ANKS1B: variants seen among roughly 807,000 people sequenced by gnomAD.
ANKS1B encodes ankyrin repeat and sterile alpha motif domain-containing protein 1B.
A neutral mutation model predicts 148.3 loss-of-function variants in ANKS1B; 36 were observed. That is an observed-to-expected ratio of 0.24 (90% CI 0.19 to 0.32). The LOEUF is 0.32. Among genes scored for constraint, ANKS1B ranks in the 10% least tolerant of loss-of-function variants. The probability of loss-of-function intolerance (pLI) is 1.00; values close to 1 mark genes in which losing one functional copy is unlikely to be tolerated. For missense variants in ANKS1B, 1,157 were observed against 1,542.6 expected (o/e 0.75, Z 4.19); for synonymous variants, 542 against 560.8 (o/e 0.97, Z 0.47).
chr12:99,028,900 C>T (rs1465638599), intron 17 of ANKS1B, among the ~76,000 whole-genome samples: 1 of 152,076 alleles, frequency 6.6e-6, no homozygotes, highest in Non-Finnish European at 1.5e-5. Flanking sequence ...CAGGTACAGC[C>T]AGGGGATTTT....
chr12:99,612,674 T>C (rs1481524157), intron 9 of ANKS1B, among the ~76,000 whole-genome samples: 1 of 152,154 alleles, frequency 6.6e-6, no homozygotes, highest in Non-Finnish European at 1.5e-5. Flanking sequence ...AAAATGTTTT[T>C]CTCTTTCATT....
At chr12:99,831,516 G>C (rs986068162) in intron 1 of ANKS1B, among the ~76,000 whole-genome samples, 1 of 152,192 alleles carries the variant, frequency 6.6e-6, no homozygotes, top group East Asian at 1.9e-4. Context: ...CACAGAGTGA[G>C]GGTAGTAAAA....
chr12:99,327,960 C>G (rs946212453), intron 12 of ANKS1B, among the ~76,000 whole-genome samples: 1 of 151,726 alleles, frequency 6.6e-6, no homozygotes, highest in African/African-American at 2.4e-5. Context: ...GGTGAGGCTC[C>G]TCCTGATACT....
chr12:99,206,817 C>G (rs2082724018), intron 14 of ANKS1B, among the ~76,000 whole-genome samples: 1 of 152,114 alleles, frequency 6.6e-6, no homozygotes, highest in Non-Finnish European at 1.5e-5. Flanking sequence ...CTGAAGTACA[C>G]CCTTCTGGCA....
intron 1 of ANKS1B, among the ~76,000 whole-genome samples, chr12:99,970,753 C>G (rs941045612): frequency 6.6e-6 from 1 of 152,132 alleles, no homozygotes; most frequent in Non-Finnish European, 1.5e-5. Context: ...TGGAAAATTC[C>G]TATTCATCCC....
chr12:99,360,130 G>A (rs7957172), intron 12 of ANKS1B, among the ~76,000 whole-genome samples: 16,467 of 152,042 alleles, frequency 0.11, 903 homozygotes, highest in Non-Finnish European at 0.13. Context: ...ACCTAATCCC[G>A]ACTAAATAAT....
intron 11 of ANKS1B, among the ~76,000 whole-genome samples, chr12:99,420,750 G>A (rs1166110164): frequency 6.6e-6 from 1 of 152,072 alleles, no homozygotes; most frequent in Admixed American, 6.5e-5. Flanking sequence ...ATCAAGAATT[G>A]TTATGATTTG....
rs184405326 is a variant in ANKS1B at position 99,413,998 on chromosome 12, T to G, written c.1576-14187A>C. Among the ~76,000 whole-genome samples, 158 of 152,272 alleles carry G rather than the reference T, an allele frequency of 1.0e-3. 1 individual carries two copies. Among genetic ancestry groups the G allele is most frequent in the Non-Finnish European group, 3.1e-4 (21 of 68,014 alleles). Reference sequence around the variant, plus strand: ...TGCACCTGCCTTTCCTGCCCAGGGCTTTTTGAGAACAGACAGTTGCTCTCA... The same window carrying G: ...TGCACCTGCCTTTCCTGCCCAGGGCGTTTTGAGAACAGACAGTTGCTCTCA... On this transcript the variant is annotated intron_variant, in intron 11 of 26. Coordinates refer to ENST00000683438, the MANE Select transcript of ANKS1B (RefSeq NM_001352186.2).
chr12:99,941,382 A>C (rs2094913771), intron 1 of ANKS1B, among the ~76,000 whole-genome samples: 1 of 152,176 alleles, frequency 6.6e-6, no homozygotes, highest in South Asian at 2.1e-4. Context: ...GATAAAATGA[A>C]GAAGTCAAGA....
chr12:99,727,425 C>T (rs1347506155), intron 8 of ANKS1B, among the ~76,000 whole-genome samples: 1 of 151,976 alleles, frequency 6.6e-6, no homozygotes, highest in Non-Finnish European at 1.5e-5. Flanking sequence ...AGGAATACAG[C>T]TAACAAGGGA....
intron 15 of ANKS1B, among the ~76,000 whole-genome samples, chr12:99,152,808 A>T (rs763717568): frequency 4.7e-4 from 71 of 152,274 alleles, no homozygotes; most frequent in Non-Finnish European, 3.7e-4. Flanking sequence ...AGTAAACATA[A>T]ATAATAAAAA....
chr12:98,870,843 C>T lies in ANKS1B; in HGVS notation c.2779-38707G>A, dbSNP rs560000401. On this transcript the variant is annotated intron_variant, in intron 17 of 26. Transcript: ENST00000683438. ...AATGCCGTACCAGGCTCTGATGGTG[C>T]TTACAAAATGCCTTTGCCCGACAGT... 2.0e-5 allele frequency among the ~76,000 whole-genome samples: 3 copies of T among 152,318 alleles called. No homozygotes were observed. The East Asian group carries it at 5.8e-4, about 29-fold the overall frequency.
At chr12:99,467,759 A>G (rs2096152525) in intron 10 of ANKS1B, among the ~76,000 whole-genome samples, 1 of 152,236 alleles carries the variant, frequency 6.6e-6, no homozygotes, top group Non-Finnish European at 1.5e-5. Flanking sequence ...TTCAAGGAGA[A>G]CTACAAACCA....
rs573780204 is a variant in ANKS1B, at chr12:99,136,490, A to G, written c.2526+17799T>C. On this transcript the variant is annotated intron_variant, in intron 15 of 26. Coordinates refer to ENST00000683438, the MANE Select transcript of ANKS1B (RefSeq NM_001352186.2). ...CTTGAAACACACACACAAAAAAATTATATTTTGTCGCACTTGAATTTGTGG... is the reference window on the plus strand; with the variant it reads ...CTTGAAACACACACACAAAAAAATTGTATTTTGTCGCACTTGAATTTGTGG... 3.3e-5 allele frequency among the ~76,000 whole-genome samples: 5 copies of G among 152,328 alleles called. No homozygotes were observed. The South Asian group carries it at 1.0e-3, about 32-fold the overall frequency.
In ANKS1B at chr12:99,012,367, G is replaced by A. The variant is rs1331687745; in HGVS notation, c.2778+40790C>T. Reference sequence around the variant, plus strand: ...TGCTTTTCCCATTAGGCCACTCCAGGAATGTCTCAGTCTAGCATATTTTAA... The same window carrying A: ...TGCTTTTCCCATTAGGCCACTCCAGAAATGTCTCAGTCTAGCATATTTTAA... On this transcript the variant is annotated intron_variant, in intron 17 of 26. Coordinates refer to ENST00000683438, the MANE Select transcript of ANKS1B (RefSeq NM_001352186.2). 2.0e-5 allele frequency among the ~76,000 whole-genome samples: 3 copies of A among 152,142 alleles called. No homozygotes were observed. The East Asian group carries it at 5.8e-4, about 29-fold the overall frequency.
At chr12:99,416,592 G>A (rs2094916612) in intron 11 of ANKS1B, among the ~76,000 whole-genome samples, 1 of 152,132 alleles carries the variant, frequency 6.6e-6, no homozygotes, top group Admixed American at 6.5e-5. Context: ...CTCCCTTGTG[G>A]ATAATGATGT....
chr12:99,429,385 G>T (rs2095324853), intron 11 of ANKS1B, among the ~76,000 whole-genome samples: 1 of 152,158 alleles, frequency 6.6e-6, no homozygotes. Flanking sequence ...AATCCAAATT[G>T]AGGAACATTA....
intron 9 of ANKS1B, among the ~76,000 whole-genome samples, chr12:99,615,303 TCTC>T (rs1461165671): frequency 2.6e-5 from 4 of 152,164 alleles, no homozygotes; most frequent in African/African-American, 4.8e-5. Flanking sequence ...TTCTTATATT[TCTC>T]CTCATTTTTC....
chr12:98,930,922 G>A (rs961737015), intron 17 of ANKS1B, among the ~76,000 whole-genome samples: 2 of 152,026 alleles, frequency 1.3e-5, no homozygotes, highest in Non-Finnish European at 2.9e-5. Context: ...ATAATGTGGT[G>A]TAAATCTGGC....
Sources: allele counts gnomAD v4.1 joint callset (sites outside exome capture counted in the v4.1 genomes callset), GRCh38; gene constraint gnomAD v4.1.1; transcripts MANE v1.5; gene names NCBI Gene and HGNC (gene_info 2026-07-23, HGNC 2026-07-21).